LDLRAD4: variants seen among roughly 807,000 people sequenced by gnomAD.
The protein encoded by LDLRAD4 is low density lipoprotein receptor class A domain containing 4.
In LDLRAD4, 5 loss-of-function variants were observed where a neutral mutation model predicts 17.0. That is an observed-to-expected ratio of 0.29 (90% CI 0.15 to 0.62). The LOEUF (loss-of-function observed/expected upper bound fraction) is 0.62, where lower values mean the gene tolerates loss of function less well. Among genes scored for constraint, LDLRAD4 ranks in the 20% least tolerant of loss-of-function variants. The pLI is 0.84. For synonymous variants in LDLRAD4, 168 were observed against 171.8 expected (o/e 0.98, Z 0.17); for missense variants, 340 against 424.7 (o/e 0.80, Z 1.75).
At chr18:13,377,134 A>G (rs1034379279) in intron 1 of LDLRAD4, among the ~76,000 whole-genome samples, 2 of 152,104 alleles carry the variant, frequency 1.3e-5, no homozygotes, top group Non-Finnish European at 2.9e-5. Flanking sequence ...GTGGCATTTG[A>G]TGTGTGTCAC....
At chr18:13,322,099 G>A (rs2081278418) in intron 1 of LDLRAD4, among the ~76,000 whole-genome samples, 2 of 151,160 alleles carry the variant, frequency 1.3e-5, no homozygotes, top group South Asian at 4.2e-4. Flanking sequence ...AAAATCTAGT[G>A]GTGATCTCAT....
At chr18:13,625,559 G>A (rs1232352207) in intron 4 of LDLRAD4, among the ~76,000 whole-genome samples, 1 of 152,138 alleles carries the variant, frequency 6.6e-6, no homozygotes, top group East Asian at 1.9e-4. Flanking sequence ...GTCCCGTTCT[G>A]AGAAGTGGTG....
intron 2 of LDLRAD4, among the ~76,000 whole-genome samples, chr18:13,417,914 G>C (rs2089071147): frequency 6.6e-6 from 1 of 152,082 alleles, no homozygotes; most frequent in Non-Finnish European, 1.5e-5. Flanking sequence ...TTTGCCATAT[G>C]AAAACCCTGG....
At chr18:13,486,956 C>G (rs993989027) in intron 3 of LDLRAD4, 2 of 152,186 alleles carry the variant, frequency 1.3e-5, no homozygotes, top group Admixed American at 6.5e-5. Flanking sequence ...CACACGCACC[C>G]CAACGCTTGC....
intron 2 of LDLRAD4, among the ~76,000 whole-genome samples, chr18:13,414,305 C>T (rs1445700607): frequency 2.0e-5 from 3 of 152,176 alleles, no homozygotes; most frequent in East Asian, 1.9e-4. Context: ...TCTTGGAGCC[C>T]GTTTCATCCT....
intron 2 of LDLRAD4, among the ~76,000 whole-genome samples, chr18:13,436,604 T>C (rs142452502): frequency 1.3e-5 from 2 of 152,382 alleles, no homozygotes; most frequent in East Asian, 3.8e-4. Flanking sequence ...GTCCAATATT[T>C]CTTTTGGAAA....
chr18:13,310,078 GCCAGGAA>G (rs2047142832), intron 1 of LDLRAD4, among the ~76,000 whole-genome samples: 1 of 151,774 alleles, frequency 6.6e-6, no homozygotes, highest in Non-Finnish European at 1.5e-5. Flanking sequence ...GGTGTCTCAC[GCCAGGAA>G]TCCCAGCATG....
chr18:13,477,676 A>G (rs1454362346), intron 3 of LDLRAD4, among the ~76,000 whole-genome samples: 1 of 152,198 alleles, frequency 6.6e-6, no homozygotes, highest in African/African-American at 2.4e-5. Flanking sequence ...TACAGTTTGG[A>G]GAGCAAAGAA....
intron 3 of LDLRAD4, among the ~76,000 whole-genome samples, chr18:13,586,399 T>G (rs2094933756): frequency 5.0e-4 from 1 of 2,008 alleles, no homozygotes; most frequent in African/African-American, 2.3e-3. Flanking sequence ...AGAGCAAGAC[T>G]CTGTCTCAAA....
chr18:13,263,480 G>T (rs1326987115), intron 1 of LDLRAD4, among the ~76,000 whole-genome samples: 2 of 152,208 alleles, frequency 1.3e-5, no homozygotes, highest in African/African-American at 4.8e-5. Flanking sequence ...CTAACACACA[G>T]AGCTGTGCAG....
intron 2 of LDLRAD4, among the ~76,000 whole-genome samples, chr18:13,405,944 C>G (rs1310382650): frequency 6.6e-6 from 1 of 152,236 alleles, no homozygotes; most frequent in Non-Finnish European, 1.5e-5. Flanking sequence ...CTGTGAGAGA[C>G]AATTCCTTCC....
chr18:13,361,325 C>A (rs1029944889), intron 1 of LDLRAD4, among the ~76,000 whole-genome samples: 2 of 152,186 alleles, frequency 1.3e-5, no homozygotes, highest in African/African-American at 4.8e-5. Context: ...GATCCACCCA[C>A]CTTGTTTCCT....
intron 3 of LDLRAD4, among the ~76,000 whole-genome samples, chr18:13,588,356 A>G (rs1041646408): frequency 3.9e-5 from 6 of 152,170 alleles, no homozygotes; most frequent in African/African-American, 1.4e-4. Flanking sequence ...ACTTTTTTAC[A>G]CAGAGATTTA....
intron 4 of LDLRAD4, among the ~76,000 whole-genome samples, chr18:13,637,556 A>C (rs892965673): frequency 1.3e-5 from 2 of 152,164 alleles, no homozygotes; most frequent in African/African-American, 4.8e-5. Context: ...TCTTTAAAGG[A>C]ATATCTTAAA....
chr18:13,584,583 G>C (rs2094909905), intron 3 of LDLRAD4, among the ~76,000 whole-genome samples: 1 of 152,158 alleles, frequency 6.6e-6, no homozygotes, highest in Non-Finnish European at 1.5e-5. Flanking sequence ...ATCATAGGAT[G>C]GCTCGGTGGA....
rs147350697 is a variant in LDLRAD4 at position 13,534,534 on chromosome 18, A to T, written c.182-86583A>T. 1.7e-3 allele frequency among the ~76,000 whole-genome samples: 259 copies of T among 152,308 alleles called. 1 individual carries two copies. Among genetic ancestry groups the T allele is most frequent in the African/African-American group, 5.9e-3 (246 of 41,568 alleles). Reference sequence around the variant, plus strand: ...AAAGGCTTTATAATCTTTCTTGAAGAGACCCTGTTGCTAAAAAGAAAAAAA... The same window carrying T: ...AAAGGCTTTATAATCTTTCTTGAAGTGACCCTGTTGCTAAAAAGAAAAAAA... On this transcript the variant is annotated intron_variant, in intron 3 of 5. Coordinates refer to ENST00000359446, the Ensembl canonical transcript of LDLRAD4.
intron 3 of LDLRAD4, among the ~76,000 whole-genome samples, chr18:13,608,650 A>G (rs2095247712): frequency 6.6e-6 from 1 of 152,124 alleles, no homozygotes; most frequent in South Asian, 2.1e-4. Flanking sequence ...GGTTCCAGCC[A>G]CCTTAGCTTC....
chr18:13,371,579 A>G (rs992910182), intron 1 of LDLRAD4, among the ~76,000 whole-genome samples: 7 of 152,112 alleles, frequency 4.6e-5, no homozygotes, highest in Non-Finnish European at 7.4e-5. Context: ...CCTGGCCAAC[A>G]TGATGAAACC....
At chr18:13,631,049 G>A (rs973190864) in intron 4 of LDLRAD4, among the ~76,000 whole-genome samples, 1 of 152,158 alleles carries the variant, frequency 6.6e-6, no homozygotes, top group Non-Finnish European at 1.5e-5. Flanking sequence ...AGCAGGGTTC[G>A]GGCGTGGTGT....
Sources: allele counts gnomAD v4.1 joint callset (sites outside exome capture counted in the v4.1 genomes callset), GRCh38; gene constraint gnomAD v4.1.1; transcripts MANE v1.5; gene names NCBI Gene and HGNC (gene_info 2026-07-23, HGNC 2026-07-21).